Variants in RSRP1 observed in about 807,000 individuals in gnomAD.
RSRP1 encodes the protein arginine/serine-rich protein 1.
In RSRP1, 37 loss-of-function variants were observed where a neutral mutation model predicts 33.0. The observed-to-expected ratio is 1.12, with a 90% CI of 0.86 to 1.48. The LOEUF is 1.48. Ranked by LOEUF, RSRP1 falls within the 40% of genes most tolerant of loss-of-function variation. The pLI, the probability that RSRP1 is intolerant of heterozygous loss-of-function variation, is 0.00. For synonymous variants in RSRP1, 167 were observed against 158.7 expected (o/e 1.05, Z -0.40); for missense variants, 402 against 385.3 (o/e 1.04, Z -0.36).
In RSRP1 at chr1:25,312,055, G is replaced by A. The variant is rs1319757524; in HGVS notation, c.-67+25923C>T. ...GCAGGCATGAGACTCCAACCTGTGCGAAGTGCAACATGGGCAGAACCCAGC... is the reference window on the plus strand; with the variant it reads ...GCAGGCATGAGACTCCAACCTGTGCAAAGTGCAACATGGGCAGAACCCAGC... On this transcript the variant is annotated intron_variant, in intron 1 of 1. Coordinates refer to the RSRP1 transcript ENST00000561867. Among the ~76,000 whole-genome samples, 7 of 107,460 alleles carry A rather than the reference G, an allele frequency of 6.5e-5. 1 individual carries two copies. Among genetic ancestry groups the A allele is most frequent in the South Asian group, 5.9e-4 (2 of 3,378 alleles). 70.5% of individuals were successfully genotyped at this position (107,460 alleles called of 152,430 possible). A position where few individuals can be genotyped will look rare whatever the true frequency, so the allele number is the denominator to read the frequency against.
rs1473903912 is a variant in RSRP1 at position 25,301,464 on chromosome 1, C to G, written c.-67+36514G>C. The G allele has an allele frequency of 2.3e-6, 3 of 1,330,468 alleles. No individual in the cohort carries two copies. In the African/African-American group the frequency reaches 4.4e-5, roughly 19 times the overall value. The allele number at this position is 1,330,468 out of a possible 1,614,324, so 82.4% of individuals were successfully genotyped here. A position where few individuals can be genotyped will look rare whatever the true frequency, so the allele number is the denominator to read the frequency against. ...GATTCTCATCCAAAACCCCTCGAGG[C>G]TCAGACCTTTGGAGCAGGAGTGTGA... On this transcript the variant is annotated intron_variant, in intron 1 of 1. Transcript: ENST00000561867.
intron 1 of RSRP1, 35 bp from the exon 2 acceptor site, chr1:25,247,064 G>A: frequency 8.0e-7 from 1 of 1,251,320 alleles, no homozygotes; most frequent in Non-Finnish European, 1.1e-6. Flanking sequence ...AAGTCGAGTC[G>A]CGGAAGCCGG....
intron 1 of RSRP1, among the ~76,000 whole-genome samples, chr1:25,280,462 T>C (rs1262379202): frequency 8.0e-6 from 1 of 124,486 alleles, no homozygotes. Flanking sequence ...TGCGCCACCA[T>C]GCCAGGCTAA....
At chr1:25,300,128 C>G in intron 1 of RSRP1, among the ~76,000 whole-genome samples, 1 of 131,176 alleles carries the variant, frequency 7.6e-6, no homozygotes, top group Non-Finnish European at 1.8e-5. Flanking sequence ...TCATCACTCC[C>G]GCAGAGTTAA....
At position 25,306,713 on chromosome 1, in the gene RSRP1, G is replaced by A. The variant is rs200307239; in HGVS notation, c.-67+31265C>T. The A allele has an allele frequency of 3.3e-5, 45 of 1,377,508 alleles. 12 individuals carry two copies. The highest frequency in any genetic ancestry group is 7.1e-5 in the Admixed American group (4 of 56,130). 85.3% of individuals were successfully genotyped at this position (1,377,508 alleles called of 1,614,324 possible). A position where few individuals can be genotyped will look rare whatever the true frequency, so the allele number is the denominator to read the frequency against. On this transcript the variant is annotated intron_variant, in intron 1 of 1. Transcript: ENST00000561867. ...TGTGCTGCTGGTGCTTGATACCGTC[G>A]GAGCCGGCAATGGCATGTGGGTCAC...
chr1:25,250,004 C>T (rs536048190), upstream of RSRP1, among the ~76,000 whole-genome samples: 1 of 152,250 alleles, frequency 6.6e-6, no homozygotes, highest in East Asian at 1.9e-4. Context: ...TAGCCGGCAA[C>T]CGGGAGACAG....
chr1:25,254,732 C>A (rs1639895995), intron 1 of RSRP1, among the ~76,000 whole-genome samples: 1 of 152,178 alleles, frequency 6.6e-6, no homozygotes, highest in Admixed American at 6.5e-5. Context: ...CCAGGCCCAG[C>A]CGAATAGTTC....
Position 25,307,272 on chromosome 1 carries a change from G to A in RSRP1, c.-67+30706C>T, listed in dbSNP as rs576285761. Among the ~76,000 whole-genome samples, 15 of 132,192 alleles carry A rather than the reference G, an allele frequency of 1.1e-4. 2 individuals carry two copies. The East Asian group carries it at 2.1e-3, about 19-fold the overall frequency. 86.7% of individuals were successfully genotyped at this position (132,192 alleles called of 152,430 possible). ...TGGGCCTTGGCTGAGGTCTCACTGC[G>A]AGGTGGGAATGTGGGCCTCCAGACC... On this transcript the variant is annotated intron_variant, in intron 1 of 1. Coordinates refer to the RSRP1 transcript ENST00000561867.
At chr1:25,243,878 A>C in intron 3 of RSRP1, 2 of 1,231,140 alleles carry the variant, frequency 1.6e-6, no homozygotes, top group East Asian at 8.4e-5. Flanking sequence ...TAATTTTTTA[A>C]TCAGTTTTCT....
At chr1:25,261,865 C>T (rs1158688716) in intron 1 of RSRP1, among the ~76,000 whole-genome samples, 1 of 151,660 alleles carries the variant, frequency 6.6e-6, no homozygotes, top group Non-Finnish European at 1.5e-5. Context: ...GCACACGCCA[C>T]CACACCTAGC....
chr1:25,324,955 G>GGA (rs1644891522), intron 1 of RSRP1, among the ~76,000 whole-genome samples: 1 of 106,628 alleles, frequency 9.4e-6, no homozygotes, highest in South Asian at 3.5e-4. Context: ...AGCTGAGGCA[G>GGA]GAGAATGGCT....
chr1:25,299,072 TAAAAA>T, intron 1 of RSRP1, among the ~76,000 whole-genome samples: 1 of 40,872 alleles, frequency 2.4e-5, no homozygotes, highest in African/African-American at 7.8e-5. Flanking sequence ...CACATGGTGA[TAAAAA>T]AAAAAAAAAA....
Position 25,282,794 on chromosome 1 carries a change from C to T in RSRP1, c.-66-35765G>A, listed in dbSNP as rs1362539540. Among the ~76,000 whole-genome samples the T allele has an allele frequency of 4.6e-5, 6 of 129,830 alleles. 1 individual carries two copies. The highest frequency in any genetic ancestry group is 9.1e-5 in the Non-Finnish European group (5 of 54,874). 85.2% of individuals were successfully genotyped at this position (129,830 alleles called of 152,430 possible). On this transcript the variant is annotated intron_variant, in intron 1 of 1. Transcript: ENST00000561867. ...GTGGTTCCCACTGAAGCACAGGAGG[C>T]TGAAGCACAAGAATCACTTGAACCC...
intron 1 of RSRP1, among the ~76,000 whole-genome samples, chr1:25,261,541 C>A (rs1345880092): frequency 6.6e-6 from 1 of 150,548 alleles, no homozygotes; most frequent in Non-Finnish European, 1.5e-5. Context: ...AGTAGCTGGG[C>A]CTACAGGCGC....
At chr1:25,268,506 A>C (rs1478477605) in intron 1 of RSRP1, among the ~76,000 whole-genome samples, 1 of 130,120 alleles carries the variant, frequency 7.7e-6, no homozygotes. Flanking sequence ...GTGACAGAGT[A>C]CTCCGTCTAA....
upstream of RSRP1, among the ~76,000 whole-genome samples, chr1:25,251,244 T>C (rs1012920614): frequency 3.3e-5 from 5 of 152,220 alleles, no homozygotes; most frequent in African/African-American, 1.2e-4. Flanking sequence ...GACTTTAATC[T>C]GGTGAGACTC....
intron 4 of RSRP1, among the ~76,000 whole-genome samples, chr1:25,243,172 G>C (rs192549900): frequency 8.9e-4 from 135 of 152,240 alleles, no homozygotes; most frequent in Non-Finnish European, 1.3e-4. Context: ...GTGAAGTGAA[G>C]ATACTGGGGC....
At chr1:25,245,548 C>A (rs1399254092) in intron 2 of RSRP1, among the ~76,000 whole-genome samples, 2 of 152,066 alleles carry the variant, frequency 1.3e-5, no homozygotes, top group African/African-American at 4.8e-5. Context: ...GACTGTAAAC[C>A]CCAAGTGTGC....
chr1:25,243,359 G>A (rs1267214778), intron 4 of RSRP1, among the ~76,000 whole-genome samples, 191 bp downstream of exon 4: 1 of 152,110 alleles, frequency 6.6e-6, no homozygotes, highest in South Asian at 2.1e-4. Flanking sequence ...CGGAACTAAC[G>A]TGAATGTTAT....
Sources: gnomAD v4.1 joint callset for allele counts (sites outside exome capture counted in the v4.1 genomes callset) on GRCh38, gnomAD v4.1.1 for gene constraint, MANE v1.5 for transcripts, NCBI Gene and HGNC (gene_info 2026-07-23, HGNC 2026-07-21) for gene names.